C5orf22: variants seen among roughly 807,000 people sequenced by gnomAD.
The protein encoded by C5orf22 is UPF0489 protein C5orf22.
In C5orf22, 36 loss-of-function variants were observed where a neutral mutation model predicts 48.7. That is an observed-to-expected ratio of 0.74 (90% CI 0.57 to 0.98). C5orf22 has a LOEUF of 0.98. Ranked by LOEUF, C5orf22 falls within the 50% of genes least tolerant of loss-of-function variation. C5orf22 has a pLI of 0.00. For synonymous variants in C5orf22, 141 were observed against 180.8 expected (o/e 0.78, Z 1.76); for missense variants, 486 against 521.9 (o/e 0.93, Z 0.67).
At position 31,532,625 on chromosome 5, in the gene C5orf22, C is replaced by G. The variant is rs964604045; in HGVS notation, c.81+152C>G. The G allele has an allele frequency of 1.3e-5, 8 of 629,462 alleles. No homozygotes were observed. In the African/African-American group the frequency reaches 1.3e-4, roughly 11 times the overall value. 39.0% of individuals were successfully genotyped at this position (629,462 alleles called of 1,614,324 possible). ...CGTTGCTGTGGAGAGGACCCCAAAA[C>G]AGCTAACTAGGAAGAATGAGAACTG... On this transcript the variant is annotated intron_variant, in intron 1 of 8. Coordinates refer to ENST00000325366, the MANE Select transcript of C5orf22 (RefSeq NM_018356.3).
intron 1 of C5orf22, among the ~76,000 whole-genome samples, chr5:31,532,771 C>A (rs10070102): frequency 0.18 from 26,790 of 151,844 alleles, 2,582 homozygotes; most frequent in African/African-American, 0.24. Flanking sequence ...CTGCAGAGCC[C>A]TGTGTTCTTA....
intron 1 of C5orf22, among the ~76,000 whole-genome samples, chr5:31,532,830 A>G (rs1580424953): frequency 6.6e-6 from 1 of 152,222 alleles, no homozygotes; most frequent in African/African-American, 2.4e-5. Context: ...TCGCCACCAC[A>G]GCCCTGCTGT....
In C5orf22 at chr5:31,538,399, G is replaced by T. The variant is rs759332780; in HGVS notation, c.517G>T (p.Ala173Ser). 8.7e-6 allele frequency: 14 copies of T among 1,614,076 alleles called. No individual in the cohort carries two copies. In the African/African-American group the frequency reaches 1.6e-4, roughly 18 times the overall value. Residue 173 changes from alanine to serine, a missense_variant, in exon 4 of 9, where the codon GCA (alanine) becomes TCA (serine). Physicochemically the swap from Ala to Ser is moderately conservative, Grantham distance 99. Coordinates refer to ENST00000325366, the MANE Select transcript of C5orf22 (RefSeq NM_018356.3). Reference protein sequence around the residue: ...KLCNNQEENDAVSSAKKPKLA... With the variant: ...KLCNNQEENDSVSSAKKPKLA... The stretch of plus-strand genomic sequence containing the variant: ...CTGTAACAATCAAGAAGAAAACGAT[G>T]CAGTGTCTTCTGCTAAGAAACCAAA...
At chr5:31,551,152 A>G (rs909260012) in intron 7 of C5orf22, 141 bp from the exon 8 acceptor site, 3 of 748,020 alleles carry the variant, frequency 4.0e-6, no homozygotes, top group Middle Eastern at 3.9e-4. Flanking sequence ...ATATGCTATT[A>G]TGAATCACAT....
At chr5:31,538,808 A>T in intron 4 of C5orf22, 119 bp downstream of exon 4, 1 of 715,052 alleles carries the variant, frequency 1.4e-6, no homozygotes, top group Non-Finnish European at 2.3e-6. Context: ...TGGGGTTCAC[A>T]TTCTCTACTA....
At chr5:31,550,196 T>A (rs1743164199) in intron 7 of C5orf22, among the ~76,000 whole-genome samples, 1 of 152,212 alleles carries the variant, frequency 6.6e-6, no homozygotes, top group East Asian at 1.9e-4. Flanking sequence ...AATATTTGAT[T>A]AGTGTGTTTT....
At chr5:31,545,278 G>A (rs1260097796) in intron 6 of C5orf22, among the ~76,000 whole-genome samples, 1 of 151,960 alleles carries the variant, frequency 6.6e-6, no homozygotes, top group Non-Finnish European at 1.5e-5. Flanking sequence ...GGCTGGTCTC[G>A]AACTCCTGAC....
intron 5 of C5orf22, 79 bp downstream of exon 5, chr5:31,541,090 T>A: frequency 8.2e-7 from 1 of 1,214,348 alleles, no homozygotes; most frequent in Non-Finnish European, 1.2e-6. Context: ...CACAGTGATC[T>A]CAAAGACTGC....
At chr5:31,551,573 A>C (rs1743269170) in intron 8 of C5orf22, 141 bp downstream of exon 8, 2 of 669,996 alleles carry the variant, frequency 3.0e-6, no homozygotes, top group Non-Finnish European at 2.5e-6. Context: ...ATTATCCTGG[A>C]TTTATCAGGT....
Position 31,538,240 on chromosome 5 carries a change from C to A in C5orf22, c.378-20C>A. Reference sequence around the variant, plus strand: ...TGATTTGCCCATTCTTCTTAAAAATCGTTTTTTCCTCTGATTCAGGGTTAC... The same window carrying A: ...TGATTTGCCCATTCTTCTTAAAAATAGTTTTTTCCTCTGATTCAGGGTTAC... On this transcript the variant is annotated intron_variant, in intron 3 of 8. Coordinates refer to ENST00000325366, the MANE Select transcript of C5orf22 (RefSeq NM_018356.3). 2.0e-6 allele frequency: 3 copies of A among 1,536,432 alleles called. No homozygotes were observed. Among genetic ancestry groups the A allele is most frequent in the South Asian group, 1.2e-5 (1 of 80,020 alleles).
chr5:31,544,399 C>T (rs972503167), intron 6 of C5orf22, among the ~76,000 whole-genome samples: 5 of 152,110 alleles, frequency 3.3e-5, no homozygotes, highest in East Asian at 3.9e-4. Context: ...CTGGCTAACA[C>T]GGTGAAACCC....
At position 31,535,850 on chromosome 5, in the gene C5orf22, C is replaced by T; in HGVS notation, c.334C>T (p.His112Tyr). The T allele has an allele frequency of 6.2e-7, 1 of 1,613,624 alleles. No individual in the cohort carries two copies. The highest frequency in any genetic ancestry group is 8.5e-7 in the Non-Finnish European group (1 of 1,179,848). The change falls in exon 3 of 9, where the codon CAC becomes TAC. Residue 112 changes from histidine to tyrosine, a missense_variant. By Grantham distance (83) the His-to-Tyr change is moderately conservative. Transcript: ENST00000325366. ...TWAQQIREGRHHFLVGKDTST... is the reference protein window; with the variant it reads ...TWAQQIREGRYHFLVGKDTST... ...GGCTCAGCAGATCAGAGAGGGCAGA[C>T]ACCACTTTTTAGTAGGCAAAGACAC...
At chr5:31,534,132 A>C in intron 1 of C5orf22, 140 bp from the exon 2 acceptor site, 2 of 749,056 alleles carry the variant, frequency 2.7e-6, no homozygotes, top group South Asian at 1.9e-5. Flanking sequence ...ACAGTAAACA[A>C]ATTTTATGTT....
At chr5:31,551,986 AGGAGTAGGCCAGAT>A (rs1298393035) in intron 8 of C5orf22, among the ~76,000 whole-genome samples, 8 of 152,214 alleles carry the variant, frequency 5.3e-5, no homozygotes, top group African/African-American at 1.7e-4. Context: ...ACTTGTACTA[AGGAGTAGGCCAGAT>A]AACTAATTCC....
chr5:31,541,001 A>C lies in C5orf22; in HGVS notation c.860A>C (p.Asn287Thr), dbSNP rs114615951. ...TACCAATTTAAGAAACCTGGCACCA[A>C]CCTAACAGAGGTATCCTCCATTTGT... ...ELYQFKKPGT[N>T]LTEEDLVDIV... The change falls in exon 5 of 9, where the codon AAC becomes ACC. Residue 287 changes from asparagine to threonine, a missense_variant. Asn to Thr is a moderately conservative substitution (Grantham distance 65, BLOSUM62 0). Around this residue, in one of 3 missense-constraint regions of C5orf22, gnomAD observed 408 missense variants for 444.0 expected, o/e 0.92. Coordinates refer to ENST00000325366, the MANE Select transcript of C5orf22 (RefSeq NM_018356.3). 4 of 1,610,588 alleles carry C rather than the reference A, an allele frequency of 2.5e-6. No individual in the cohort carries two copies. The highest frequency in any genetic ancestry group is 3.4e-6 in the Non-Finnish European group (4 of 1,177,252).
intron 7 of C5orf22, among the ~76,000 whole-genome samples, chr5:31,549,018 G>A (rs1461176885): frequency 3.3e-5 from 5 of 152,196 alleles, no homozygotes; most frequent in South Asian, 4.2e-4. Flanking sequence ...TCGGGAGTTC[G>A]AGACCAGCCT....
chr5:31,532,578 C>A (rs6877568), intron 1 of C5orf22, 105 bp downstream of exon 1: 219,825 of 985,826 alleles, frequency 0.22, 25,848 homozygotes, highest in Admixed American at 0.29. Flanking sequence ...AGAGAGTTAA[C>A]CAGAGTTAAA....
chr5:31,544,791 T>C (rs751603002), intron 6 of C5orf22, among the ~76,000 whole-genome samples: 6 of 151,514 alleles, frequency 4.0e-5, no homozygotes, highest in Non-Finnish European at 7.4e-5. Flanking sequence ...TTAAAATTAG[T>C]TGGGTGTGGT....
At chr5:31,545,305 G>A (rs911405761) in intron 6 of C5orf22, among the ~76,000 whole-genome samples, 6 of 152,088 alleles carry the variant, frequency 3.9e-5, no homozygotes, top group South Asian at 4.1e-4. Flanking sequence ...TGATCCGCCC[G>A]CCTCGGCCTC....
Sources: gnomAD v4.1 joint callset for allele counts (sites outside exome capture counted in the v4.1 genomes callset) on GRCh38, gnomAD v4.1.1 for gene constraint, gnomAD v4.1.1 regional missense constraint, MANE v1.5 for transcripts, NCBI Gene and HGNC (gene_info 2026-07-23, HGNC 2026-07-21) for gene names.